DIAPH1: variants seen among roughly 807,000 people sequenced by gnomAD.
DIAPH1 encodes the protein diaphanous related formin 1.
A neutral mutation model predicts 140.7 loss-of-function variants in DIAPH1; 46 were observed. The observed-to-expected ratio is 0.33, with a 90% CI of 0.26 to 0.42. The LOEUF (loss-of-function observed/expected upper bound fraction) is 0.42, where lower values mean the gene tolerates loss of function less well. Among genes scored for constraint, DIAPH1 ranks in the 10% least tolerant of loss-of-function variants. DIAPH1 has a pLI of 1.00. For synonymous variants in DIAPH1, 565 were observed against 551.6 expected (o/e 1.02, Z -0.34); for missense variants, 1,310 against 1,558.7 (o/e 0.84, Z 2.69).
intron 18 of DIAPH1, among the ~76,000 whole-genome samples, chr5:141,566,934 A>G (rs901370123): frequency 3.3e-5 from 5 of 152,204 alleles, no homozygotes; most frequent in East Asian, 1.9e-4. Context: ...ACAAAACCAC[A>G]TAAGCAAGCA....
At chr5:141,532,876 A>C (rs1224859695) in intron 19 of DIAPH1, among the ~76,000 whole-genome samples, 1 of 152,232 alleles carries the variant, frequency 6.6e-6, no homozygotes, top group African/African-American at 2.4e-5. Context: ...TCATTTTTTA[A>C]ACCAATTACT....
intron 18 of DIAPH1, among the ~76,000 whole-genome samples, chr5:141,566,204 G>C (rs1413717565): frequency 6.6e-6 from 1 of 152,218 alleles, no homozygotes; most frequent in Non-Finnish European, 1.5e-5. Flanking sequence ...GGTATGACAT[G>C]AGATCCTAGA....
At chr5:141,595,962 T>C (rs548498879) in intron 1 of DIAPH1, among the ~76,000 whole-genome samples, 4 of 152,300 alleles carry the variant, frequency 2.6e-5, no homozygotes, top group Admixed American at 2.0e-4. Flanking sequence ...GGCAGGTAGA[T>C]GGCTTGGGCC....
At chr5:141,580,378 G>A (rs936371100) in intron 8 of DIAPH1, among the ~76,000 whole-genome samples, 1 of 151,776 alleles carries the variant, frequency 6.6e-6, no homozygotes, top group Non-Finnish European at 1.5e-5. Context: ...AAAGGGATGA[G>A]GCAGTTAAAT....
intron 18 of DIAPH1, among the ~76,000 whole-genome samples, chr5:141,542,794 G>C (rs1230192247): frequency 6.6e-6 from 1 of 152,178 alleles, no homozygotes; most frequent in African/African-American, 2.4e-5. Context: ...TGTACATTAT[G>C]AGTATACCAA....
intron 18 of DIAPH1, among the ~76,000 whole-genome samples, chr5:141,559,909 A>C (rs187315166): frequency 6.6e-6 from 1 of 152,194 alleles, no homozygotes; most frequent in Non-Finnish European, 1.5e-5. Context: ...ACATTCAAAA[A>C]CACAATTATT....
At position 141,573,869 on chromosome 5, in the gene DIAPH1, C is replaced by A; in HGVS notation, c.1981G>T (p.Val661Phe). Residue 661 changes from valine (V) to phenylalanine (F), a missense_variant, in exon 16 of 28, where the codon GTT (valine) becomes TTT (phenylalanine). Val to Phe is a conservative substitution (Grantham distance 50, BLOSUM62 -1). Transcript: ENST00000389054. ...AAAGAAGAGGGTGAAGGGATGCCAA[C>A]ACCCTCAGGCAAAGGAGGGGGTGGA... ...IPPPPPLPEGVGIPSPSSLPG... is the reference protein window; with the variant it reads ...IPPPPPLPEGFGIPSPSSLPG... The A allele has an allele frequency of 6.5e-7, 1 of 1,533,810 alleles. No homozygotes were observed. Among genetic ancestry groups the A allele is most frequent in the Non-Finnish European group, 8.8e-7 (1 of 1,139,244 alleles).
At chr5:141,591,219 A>G (rs72792319) in intron 1 of DIAPH1, among the ~76,000 whole-genome samples, 6,061 of 152,082 alleles carry the variant, frequency 0.04, 182 homozygotes, top group African/African-American at 0.084. Context: ...CAACTCCAAC[A>G]GGCCCTACAG....
Position 141,579,074 on chromosome 5 carries a change from G to C in DIAPH1, c.933+14C>G, listed in dbSNP as rs769511564. ...AATTCTATTCTTGGGCCCAGTTTCA[G>C]GGGATATACATGCCTTCAGTGCAAT... On this transcript the variant is annotated intron_variant, in intron 9 of 27. Coordinates refer to ENST00000389054, the MANE Select transcript of DIAPH1 (RefSeq NM_005219.5). The C allele has an allele frequency of 1.9e-6, 3 of 1,594,222 alleles. No homozygotes were observed. The Admixed American group carries it at 5.0e-5, about 27-fold the overall frequency.
In DIAPH1 at chr5:141,582,049, G is replaced by A. The variant is rs1270043071; in HGVS notation, c.684+263C>T. ...CACTCCAGCCTGGGCAACAGAGCGA[G>A]ACTCCATCTCAAAAAAAAAAAAAAA... On this transcript the variant is annotated intron_variant, in intron 7 of 27. Transcript: ENST00000389054. 7 of 328,794 alleles carry A rather than the reference G, an allele frequency of 2.1e-5. No homozygotes were observed. The African/African-American group carries it at 2.3e-4, about 11-fold the overall frequency. The allele number at this position is 328,794 out of a possible 1,614,324, so 20.4% of individuals were successfully genotyped here.
At chr5:141,615,669 G>A (rs1175379857) in intron 1 of DIAPH1, among the ~76,000 whole-genome samples, 1 of 152,106 alleles carries the variant, frequency 6.6e-6, no homozygotes. Context: ...CATGAACCCG[G>A]GAGGCGGAGC....
chr5:141,582,732 C>T (rs2099896956), intron 6 of DIAPH1, among the ~76,000 whole-genome samples: 1 of 152,088 alleles, frequency 6.6e-6, no homozygotes, highest in Non-Finnish European at 1.5e-5. Flanking sequence ...AGGTCTTGGC[C>T]ATGTTATTAT....
chr5:141,529,119 G>A, intron 21 of DIAPH1, 53 bp downstream of exon 21: 1 of 1,565,550 alleles, frequency 6.4e-7, no homozygotes, highest in Non-Finnish European at 8.8e-7. Context: ...CTCTCTAGAG[G>A]GGAGGGGAAT....
intron 18 of DIAPH1, chr5:141,557,703 A>AAG (rs2099892845): frequency 6.6e-6 from 1 of 152,206 alleles, no homozygotes. Flanking sequence ...GCTGCCTCAA[A>AAG]AGCTAGCACT....
chr5:141,527,177 C>A (rs1485156941), intron 24 of DIAPH1, among the ~76,000 whole-genome samples: 1 of 152,000 alleles, frequency 6.6e-6, no homozygotes, highest in African/African-American at 2.4e-5. Context: ...TGTGCTTCTA[C>A]TCCACAACAA....
chr5:141,607,944 C>A (rs1259343973), intron 1 of DIAPH1, among the ~76,000 whole-genome samples: 1 of 152,114 alleles, frequency 6.6e-6, no homozygotes, highest in Non-Finnish European at 1.5e-5. Context: ...CATAATAACC[C>A]CCTAATTTTA....
At chr5:141,542,007 C>T (rs371563988) in intron 18 of DIAPH1, among the ~76,000 whole-genome samples, 3 of 152,276 alleles carry the variant, frequency 2.0e-5, no homozygotes, top group South Asian at 4.1e-4. Context: ...TCCTATTAAA[C>T]GGAATCACCA....
intron 18 of DIAPH1, among the ~76,000 whole-genome samples, chr5:141,542,700 A>T (rs1311222736): frequency 6.6e-6 from 1 of 152,202 alleles, no homozygotes; most frequent in Admixed American, 6.5e-5. Context: ...AAAGGGATGG[A>T]GGAATGAGGA....
At chr5:141,558,916 TA>T (rs11315376) in intron 18 of DIAPH1, among the ~76,000 whole-genome samples, 80,904 of 143,478 alleles carry the variant, frequency 0.56, 23,006 homozygotes, top group East Asian at 0.78. Flanking sequence ...CACAAGTTGT[TA>T]AAAAAAAAAA....
Sources: gnomAD v4.1 joint callset for allele counts (sites outside exome capture counted in the v4.1 genomes callset) on GRCh38, gnomAD v4.1.1 for gene constraint, MANE v1.5 for transcripts, NCBI Gene and HGNC (gene_info 2026-07-23, HGNC 2026-07-21) for gene names.